The following XKR9 variants were observed in gnomAD, a reference collection of about 807,000 sequenced individuals.
XKR9 encodes the protein XK-related protein 9.
Under a neutral mutation model 32.0 loss-of-function variants are expected in XKR9, and 32 were observed. That is an observed-to-expected ratio of 1.00 (90% confidence interval 0.76 to 1.34). The LOEUF (loss-of-function observed/expected upper bound fraction) is 1.34. Ranked by LOEUF, XKR9 falls within the 40% of genes most tolerant of loss-of-function variation. The pLI is 0.00. For missense variants in XKR9, 546 were observed against 429.7 expected, an observed-to-expected ratio of 1.27 and a Z score of -2.39; for synonymous variants, 168 against 143.4, an observed-to-expected ratio of 1.17 and a Z score of -1.22.
chr8:70,789,797 A>C (rs907944779), intron 3 of XKR9, among the ~76,000 whole-genome samples: 1 of 152,024 alleles, frequency 6.6e-6, no homozygotes, highest in African/African-American at 2.4e-5. Flanking sequence ...TTAAGTAATT[A>C]CTGTTCTTGT....
intron 2 of XKR9, among the ~76,000 whole-genome samples, chr8:70,766,800 G>A (rs192679514): frequency 1.3e-5 from 2 of 152,240 alleles, no homozygotes; most frequent in East Asian, 3.9e-4. Flanking sequence ...AGTGTTTTTA[G>A]CATGAAGGGG....
At chr8:70,952,153 TACACACACACAC>T in the XKR9 span, among the ~76,000 whole-genome samples, 4 of 148,214 alleles carry the variant, frequency 2.7e-5, no homozygotes, top group Non-Finnish European at 6.0e-5. Context: ...AGAAAACCTT[TACACACACACAC>T]ACACACACAC....
intron 4 of XKR9, among the ~76,000 whole-genome samples, chr8:70,711,797 A>G (rs376191562): frequency 2.2e-5 from 2 of 89,766 alleles, no homozygotes; most frequent in Middle Eastern, 6.5e-3. Context: ...GAAAAACACA[A>G]AGAGGGGAAC....
intron 2 of XKR9, among the ~76,000 whole-genome samples, chr8:70,777,586 A>T (rs1017057103): frequency 6.6e-6 from 1 of 152,056 alleles, no homozygotes; most frequent in African/African-American, 2.4e-5. Flanking sequence ...GTGTTAAAGC[A>T]TTCCTATTTC....
At chr8:70,790,728 G>GT (rs1263510279), downstream of XKR9, among the ~76,000 whole-genome samples, 1 of 152,008 alleles carries the variant, frequency 6.6e-6, no homozygotes, top group Admixed American at 6.6e-5. Flanking sequence ...CTGCAATTTT[G>GT]TTTTTTCCTG....
At chr8:70,971,424 C>T in the XKR9 span, among the ~76,000 whole-genome samples, 3 of 152,142 alleles carry the variant, frequency 2.0e-5, no homozygotes, top group African/African-American at 7.2e-5. Flanking sequence ...TCTGTTAACT[C>T]TACTGATTAT....
chr8:70,969,006 C>A, the XKR9 span, among the ~76,000 whole-genome samples: 10 of 152,202 alleles, frequency 6.6e-5, no homozygotes, highest in Non-Finnish European at 1.3e-4. Flanking sequence ...CTGCCTCATT[C>A]AGACCTCCCG....
the XKR9 span, among the ~76,000 whole-genome samples, chr8:71,060,827 T>C: frequency 5.9e-5 from 9 of 152,206 alleles, no homozygotes; most frequent in Admixed American, 2.0e-4. Context: ...CTTGGGGAGT[T>C]TAAGCAACTT....
the XKR9 span, among the ~76,000 whole-genome samples, chr8:70,903,346 A>G: frequency 6.6e-6 from 1 of 151,364 alleles, no homozygotes; most frequent in African/African-American, 2.4e-5. Flanking sequence ...CAGGGATTCA[A>G]CTTCCTGGTT....
At chr8:70,793,024 T>C (rs1807783948), downstream of XKR9, among the ~76,000 whole-genome samples, 1 of 152,164 alleles carries the variant, frequency 6.6e-6, no homozygotes, top group Admixed American at 6.6e-5. Context: ...TACAAAGGCT[T>C]ACACTTATGT....
At chr8:70,922,304 C>G in the XKR9 span, among the ~76,000 whole-genome samples, 1 of 152,206 alleles carries the variant, frequency 6.6e-6, no homozygotes, top group Non-Finnish European at 1.5e-5. Flanking sequence ...AGAAGCGCCA[C>G]TCAAAATTTT....
At chr8:70,718,460 T>G (rs186132083) in intron 4 of XKR9, among the ~76,000 whole-genome samples, 51 of 152,174 alleles carry the variant, frequency 3.4e-4, no homozygotes, top group South Asian at 2.1e-3. Flanking sequence ...GTCCTAATGC[T>G]CTTGTCCCCT....
At chr8:70,738,307 G>A (rs1278003219), downstream of XKR9, among the ~76,000 whole-genome samples, 1 of 143,906 alleles carries the variant, frequency 6.9e-6, no homozygotes, top group Non-Finnish European at 1.6e-5. Flanking sequence ...TGTGGGATCG[G>A]TGGTGATGTC....
the XKR9 span, among the ~76,000 whole-genome samples, chr8:70,799,543 G>C: frequency 2.0e-5 from 3 of 152,142 alleles, no homozygotes; most frequent in Non-Finnish European, 4.4e-5. Flanking sequence ...TGTTGCCCAG[G>C]GTGGTCATGA....
chr8:70,862,057 G>A, the XKR9 span, among the ~76,000 whole-genome samples: 2 of 152,270 alleles, frequency 1.3e-5, no homozygotes, highest in Non-Finnish European at 2.9e-5. Context: ...GACGGAGTGG[G>A]ACCAAAGCAC....
chr8:70,982,897 T>A, the XKR9 span, among the ~76,000 whole-genome samples: 1 of 152,226 alleles, frequency 6.6e-6, no homozygotes, highest in Non-Finnish European at 1.5e-5. Context: ...TTTTTACTCC[T>A]CTGTATCATT....
the XKR9 span, among the ~76,000 whole-genome samples, chr8:71,032,681 A>G: frequency 6.6e-6 from 1 of 152,216 alleles, no homozygotes; most frequent in Non-Finnish European, 1.5e-5. Flanking sequence ...ATTTTGTCAG[A>G]TGATTCTTCT....
the XKR9 span, among the ~76,000 whole-genome samples, chr8:70,880,932 A>G: frequency 6.6e-6 from 1 of 152,314 alleles, no homozygotes; most frequent in Non-Finnish European, 1.5e-5. Context: ...TATATTTTCA[A>G]ATGGAACAGA....
the XKR9 span, among the ~76,000 whole-genome samples, chr8:70,966,412 T>G: frequency 6.6e-6 from 1 of 152,098 alleles, no homozygotes; most frequent in African/African-American, 2.4e-5. Flanking sequence ...CATGCCCAGC[T>G]AATTTTTTTC....
Sources: allele counts gnomAD v4.1 joint callset (sites outside exome capture counted in the v4.1 genomes callset), GRCh38; gene constraint gnomAD v4.1.1; transcripts MANE v1.5; gene names NCBI Gene and HGNC (gene_info 2026-07-23, HGNC 2026-07-21).